SWAP70: variants seen among roughly 807,000 people sequenced by gnomAD.
SWAP70 encodes the protein switching B cell complex subunit SWAP70, also known as switch-associated protein 70.
Under a neutral mutation model 80.2 loss-of-function variants are expected in SWAP70, and 34 were observed. The observed-to-expected ratio is 0.42, with a 90% CI of 0.32 to 0.56. The LOEUF (loss-of-function observed/expected upper bound fraction) is 0.56, where lower values mean the gene tolerates loss of function less well. Ranked by LOEUF, SWAP70 falls within the 20% of genes least tolerant of loss-of-function variation. SWAP70 has a pLI of 0.09. For synonymous variants in SWAP70, 239 were observed against 238.5 expected (o/e 1.00, Z -0.02); for missense variants, 578 against 690.7 (o/e 0.84, Z 1.83).
chr11:9,749,262 A>AGAT (rs1213492338), intron 11 of SWAP70, 79 bp downstream of exon 11: 4 of 785,570 alleles, frequency 5.1e-6, no homozygotes, highest in African/African-American at 3.8e-5. Flanking sequence ...ATTTATTTTG[A>AGAT]GATGGAGTCT....
chr11:9,677,009 G>A (rs980608425), intron 1 of SWAP70, among the ~76,000 whole-genome samples: 11 of 151,450 alleles, frequency 7.3e-5, no homozygotes, highest in East Asian at 3.9e-4. Context: ...ACACACAGAT[G>A]CAGAACCGAG....
At chr11:9,717,782 T>C (rs1255000527) in intron 3 of SWAP70, among the ~76,000 whole-genome samples, 1 of 152,226 alleles carries the variant, frequency 6.6e-6, no homozygotes, top group African/African-American at 2.4e-5. Context: ...TGATGTTTTG[T>C]TTTTTTCCAT....
chr11:9,696,769 A>G (rs1300599740), intron 2 of SWAP70, among the ~76,000 whole-genome samples: 4 of 152,200 alleles, frequency 2.6e-5, no homozygotes, highest in Non-Finnish European at 5.9e-5. Flanking sequence ...TTGCCTATTT[A>G]TAACACCGAG....
intron 1 of SWAP70, among the ~76,000 whole-genome samples, chr11:9,691,862 G>T (rs1850701448): frequency 6.6e-6 from 1 of 152,170 alleles, no homozygotes; most frequent in Non-Finnish European, 1.5e-5. Context: ...GGGAGAGATG[G>T]TGTTTTTTGT....
chr11:9,701,508 CGT>C (rs1850831345), intron 2 of SWAP70, among the ~76,000 whole-genome samples: 1 of 150,618 alleles, frequency 6.6e-6, no homozygotes. Context: ...CTTGGCTGGG[CGT>C]GTTAGGTTAT....
At chr11:9,665,001 G>C (rs1347792246) in intron 1 of SWAP70, among the ~76,000 whole-genome samples, 1 of 152,028 alleles carries the variant, frequency 6.6e-6, no homozygotes, top group Non-Finnish European at 1.5e-5. Flanking sequence ...TGTGACTGCC[G>C]GAGACCCTAG....
rs1274949189 is a variant in SWAP70 at position 9,670,184 on chromosome 11, G to A, written c.99+5906G>A. Among the ~76,000 whole-genome samples, 3 of 152,212 alleles carry A rather than the reference G, an allele frequency of 2.0e-5. No homozygotes were observed. The East Asian group carries it at 5.8e-4, about 29-fold the overall frequency. On this transcript the variant is annotated intron_variant, in intron 1 of 11. Coordinates refer to ENST00000318950, the MANE Select transcript of SWAP70 (RefSeq NM_015055.4). ...AATAGCCCCGATAAGAGGTAATAGG[G>A]ACTAGAGACAGTGAAGATGGACAAG...
chr11:9,748,204 G>T, intron 10 of SWAP70, 148 bp downstream of exon 10: 1 of 775,740 alleles, frequency 1.3e-6, no homozygotes, highest in Non-Finnish European at 2.0e-6. Flanking sequence ...GTTTTTACAG[G>T]AGATAAGATA....
Position 9,664,115 on chromosome 11 carries a change from G to T in SWAP70, c.-65G>T. The T allele has an allele frequency of 1.4e-6, 2 of 1,471,130 alleles. No homozygotes were observed. The highest frequency in any genetic ancestry group is 1.8e-6 in the Non-Finnish European group (2 of 1,095,492). The allele number at this position is 1,471,130 out of a possible 1,614,324, so 91.1% of individuals were successfully genotyped here. A position where few individuals can be genotyped will look rare whatever the true frequency, so the allele number is the denominator to read the frequency against. On this transcript the variant is annotated 5_prime_UTR_variant, in exon 1 of 12. Transcript: ENST00000318950. ...GCGGGCTGTGGCTGCGGAGGTTGAG[G>T]GGCGTCCGAGGCGCGGAGGGGCTGG...
At chr11:9,675,349 G>GGT in intron 1 of SWAP70, among the ~76,000 whole-genome samples, 1 of 13,994 alleles carries the variant, frequency 7.1e-5, no homozygotes, top group African/African-American at 3.6e-4. Flanking sequence ...GAGGGAGCGA[G>GGT]AGAGAGAGAG....
At position 9,694,143 on chromosome 11, in the gene SWAP70, C is replaced by T; in HGVS notation, c.100-3C>T. 1 of 1,584,088 alleles carries T rather than the reference C, an allele frequency of 6.3e-7. No individual in the cohort carries two copies. The highest frequency in any genetic ancestry group is 2.3e-5 in the East Asian group (1 of 43,816). ...CTTTAAACGATTTTCTTTTCCCTTG[C>T]AGGTCCTTTCCCATAACCTGTGCAC... On this transcript the variant is annotated splice_polypyrimidine_tract_variant and splice_region_variant and intron_variant, in intron 1 of 11. Coordinates refer to ENST00000318950, the MANE Select transcript of SWAP70 (RefSeq NM_015055.4).
chr11:9,695,340 A>G (rs923727872), intron 2 of SWAP70, among the ~76,000 whole-genome samples: 24 of 152,208 alleles, frequency 1.6e-4, no homozygotes, highest in African/African-American at 5.5e-4. Flanking sequence ...TTGCAGCACT[A>G]TTTACAATAG....
chr11:9,699,549 T>G (rs1254747427), intron 2 of SWAP70, among the ~76,000 whole-genome samples: 1 of 152,080 alleles, frequency 6.6e-6, no homozygotes, highest in African/African-American at 2.4e-5. Flanking sequence ...CTGCTGTGTG[T>G]ATGTGTGTTT....
chr11:9,675,366 A>AGAGAGGGAGG (rs1850480377), intron 1 of SWAP70, among the ~76,000 whole-genome samples: 1 of 31,698 alleles, frequency 3.2e-5, no homozygotes, highest in African/African-American at 1.5e-4. Flanking sequence ...AGAGAGAGAG[A>AGAGAGGGAGG]GAGAGAGAGA....
At position 9,722,435 on chromosome 11, in the gene SWAP70, G is replaced by A. The variant is rs80236262; in HGVS notation, c.415-2223G>A. ...GTGACCTGGGTTAGGGTTGGTCAGA[G>A]CAGGTTTGCTAAAGCAGCAGTGCTT... On this transcript the variant is annotated intron_variant, in intron 3 of 11. Transcript: ENST00000318950. 1.5e-3 allele frequency among the ~76,000 whole-genome samples: 222 copies of A among 152,360 alleles called. 1 individual carries two copies. The highest frequency in any genetic ancestry group is 4.9e-3 in the African/African-American group (204 of 41,576).
intron 6 of SWAP70, among the ~76,000 whole-genome samples, chr11:9,731,765 T>G (rs1464140659): frequency 6.6e-6 from 1 of 152,192 alleles, no homozygotes; most frequent in Non-Finnish European, 1.5e-5. Context: ...TTATACTATC[T>G]CAGGAAAGAT....
rs548285261 is a variant in SWAP70, at chr11:9,664,176, G to C, written c.-4G>C. 1 of 1,568,586 alleles carries C rather than the reference G, an allele frequency of 6.4e-7. No homozygotes were observed. Among genetic ancestry groups the C allele is most frequent in the Admixed American group, 1.9e-5 (1 of 53,448 alleles). ...GGGGTTGGCGGGGCAGCAGGGCCGC[G>C]GCCATGGGGAGCTTGAAGGAGGAGC... is the stretch of plus-strand genomic sequence containing the variant. On this transcript the variant is annotated 5_prime_UTR_variant, in exon 1 of 12. Coordinates refer to ENST00000318950, the MANE Select transcript of SWAP70 (RefSeq NM_015055.4).
intron 2 of SWAP70, among the ~76,000 whole-genome samples, chr11:9,710,698 TA>T (rs1850985572): frequency 1.3e-5 from 2 of 148,670 alleles, no homozygotes; most frequent in Non-Finnish European, 1.5e-5. Context: ...TTTTTTTTTT[TA>T]TTAAGTGTCT....
chr11:9,664,322 G>T, intron 1 of SWAP70, 44 bp downstream of exon 1: 1 of 1,535,884 alleles, frequency 6.5e-7, no homozygotes, highest in Middle Eastern at 1.9e-4. Context: ...CCTCCCCGGC[G>T]CGCTCTGTAC....
Sources: allele counts gnomAD v4.1 joint callset (sites outside exome capture counted in the v4.1 genomes callset), GRCh38; gene constraint gnomAD v4.1.1; transcripts MANE v1.5; gene names NCBI Gene and HGNC (gene_info 2026-07-23, HGNC 2026-07-21).